The following ACSBG1 variants were observed in gnomAD, a reference collection of about 807,000 sequenced individuals.
The protein encoded by ACSBG1 is acyl-CoA synthetase bubblegum family member 1, also known as long-chain-fatty-acid--CoA ligase ACSBG1.
A neutral mutation model predicts 80.2 loss-of-function variants in ACSBG1; 39 were observed. That is an observed-to-expected ratio of 0.49 (90% CI 0.38 to 0.64). The LOEUF is 0.64. Ranked by LOEUF, ACSBG1 falls within the 30% of genes least tolerant of loss-of-function variation. The pLI is 0.00. For missense variants in ACSBG1, 828 were observed against 966.4 expected (o/e 0.86, Z 1.90); for synonymous variants, 392 against 379.5 (o/e 1.03, Z -0.38).
At chr15:78,175,824 G>A (rs1290409054) in intron 11 of ACSBG1, among the ~76,000 whole-genome samples, 1 of 152,110 alleles carries the variant, frequency 6.6e-6, no homozygotes, top group African/African-American at 2.4e-5. Flanking sequence ...CAGGTGAAGA[G>A]GAGAAGACAG....
At chr15:78,218,776 C>T in intron 1 of ACSBG1, among the ~76,000 whole-genome samples, 1 of 139,460 alleles carries the variant, frequency 7.2e-6, no homozygotes, top group Non-Finnish European at 1.6e-5. Flanking sequence ...GATTGCATCT[C>T]CCTTTTTTTT....
chr15:78,186,345 C>T (rs1324674945), intron 5 of ACSBG1, among the ~76,000 whole-genome samples: 1 of 152,206 alleles, frequency 6.6e-6, no homozygotes, highest in East Asian at 1.9e-4. Flanking sequence ...CTACAGAACT[C>T]TCCACCCCAA....
chr15:78,219,759 C>CGGAT (rs2075345406), intron 1 of ACSBG1, among the ~76,000 whole-genome samples: 1 of 152,076 alleles, frequency 6.6e-6, no homozygotes, highest in Non-Finnish European at 1.5e-5. Flanking sequence ...CTGAGGCAGG[C>CGGAT]GGATCACAAG....
rs545327038 is a variant in ACSBG1 at position 78,208,107 on chromosome 15, G to A, written c.132-5C>T. ...GGCTGCCTGTCAGTCAGTGAGCTGG[G>A]GTGGTGAGGGGACCAGGAAAAACAT... On this transcript the variant is annotated splice_polypyrimidine_tract_variant and splice_region_variant and intron_variant, in intron 1 of 13. Coordinates refer to ENST00000258873, the MANE Select transcript of ACSBG1 (RefSeq NM_015162.5). 3.7e-4 allele frequency: 601 copies of A among 1,611,686 alleles called. 15 individuals carry two copies. In the South Asian group the frequency reaches 6.3e-3, roughly 17 times the overall value.
chr15:78,234,495 G>A lies in ACSBG1; in HGVS notation c.7C>T (p.Arg3Cys), dbSNP rs557069269. 5.8e-5 allele frequency: 94 copies of A among 1,610,932 alleles called. 1 individual carries two copies. Among genetic ancestry groups the A allele is most frequent in the Admixed American group, 8.3e-5 (5 of 60,014 alleles). Residue 3 changes from arginine to cysteine, a missense_variant, in exon 1 of 14, where the codon CGC (arginine) becomes TGC (cysteine). Coordinates refer to ENST00000258873, the MANE Select transcript of ACSBG1 (RefSeq NM_015162.5). ...CAGCCGTATCCAGCTCCAGAATTGC[G>A]TGGCATCTGCCTCGGGCTTCCACTG... The part of the protein sequence containing the change: MP[R>C]NSGAGYGCPH...
At chr15:78,209,822 C>T (rs1450442282) in intron 1 of ACSBG1, among the ~76,000 whole-genome samples, 5 of 152,228 alleles carry the variant, frequency 3.3e-5, no homozygotes, top group Non-Finnish European at 7.3e-5. Flanking sequence ...GCCACCTCCA[C>T]ATTAGCCAGG....
chr15:78,211,144 C>A (rs1003993067), intron 1 of ACSBG1, among the ~76,000 whole-genome samples: 1 of 152,246 alleles, frequency 6.6e-6, no homozygotes, highest in Non-Finnish European at 1.5e-5. Flanking sequence ...TGGGAAGCTG[C>A]CCCTACTCTG....
At chr15:78,225,809 G>A (rs994776402) in intron 1 of ACSBG1, among the ~76,000 whole-genome samples, 14 of 152,140 alleles carry the variant, frequency 9.2e-5, no homozygotes, top group African/African-American at 3.4e-4. Context: ...AATTTCTATG[G>A]GTTAGGAATC....
rs2141347320 is a variant in ACSBG1 at position 78,193,624 on chromosome 15, C to A, written c.545G>T (p.Gly182Val). ...FSAVGTVFAG[G>V]IVTGIYTTSS... ...GGTGGTGTAGATGCCAGTGACGATG[C>A]CACTGTAGGAGACCCAGGAAGATTC... The change falls in exon 5 of 14, where the codon GGC (glycine) becomes GTC (valine). Residue 182 changes from glycine to valine, a missense_variant and splice_region_variant. Physicochemically the swap from Gly to Val is moderately radical, Grantham distance 109. Transcript: ENST00000258873. 2.5e-6 allele frequency: 4 copies of A among 1,611,508 alleles called. No individual in the cohort carries two copies. The East Asian group carries it at 6.7e-5, about 27-fold the overall frequency.
intron 5 of ACSBG1, among the ~76,000 whole-genome samples, chr15:78,193,282 C>T (rs1485641659): frequency 6.6e-6 from 1 of 152,240 alleles, no homozygotes; most frequent in Non-Finnish European, 1.5e-5. Flanking sequence ...CTACCCAAGG[C>T]CTTATCACCA....
intron 1 of ACSBG1, among the ~76,000 whole-genome samples, chr15:78,221,057 G>A (rs1400957358): frequency 2.0e-5 from 3 of 152,178 alleles, no homozygotes; most frequent in Non-Finnish European, 4.4e-5. Context: ...AACCCTGAAG[G>A]GGGCCCTGCC....
chr15:78,218,797 A>T (rs908822141), intron 1 of ACSBG1, among the ~76,000 whole-genome samples: 1 of 39,872 alleles, frequency 2.5e-5, no homozygotes, highest in East Asian at 3.4e-4. Context: ...TTTGAGACGG[A>T]GTATCGCTCT....
intron 1 of ACSBG1, chr15:78,209,020 T>G (rs1433521395): frequency 2.5e-6 from 1 of 397,514 alleles, no homozygotes. Flanking sequence ...TTGTGCAGCA[T>G]GCAACCTGTG....
intron 1 of ACSBG1, among the ~76,000 whole-genome samples, chr15:78,208,422 A>G (rs113886468): frequency 6.6e-6 from 1 of 152,116 alleles, no homozygotes; most frequent in Admixed American, 6.5e-5. Flanking sequence ...TCGGGGTCTC[A>G]GCACCCCACC....
intron 2 of ACSBG1, among the ~76,000 whole-genome samples, chr15:78,203,699 C>T (rs544011588): frequency 1.5e-4 from 23 of 152,376 alleles, no homozygotes; most frequent in African/African-American, 5.3e-4. Flanking sequence ...AGGAAAACAA[C>T]ACAAGAGCAG....
intron 2 of ACSBG1, among the ~76,000 whole-genome samples, chr15:78,198,141 ATTC>A (rs2075131961): frequency 1.3e-5 from 2 of 151,858 alleles, no homozygotes; most frequent in Admixed American, 6.6e-5. Flanking sequence ...GGTTCAAGCA[ATTC>A]TTCTGTCTCA....
At chr15:78,173,405 C>G (rs2074847074) in intron 13 of ACSBG1, among the ~76,000 whole-genome samples, 188 bp downstream of exon 13, 1 of 148,020 alleles carries the variant, frequency 6.8e-6, no homozygotes, top group Non-Finnish European at 1.5e-5. Flanking sequence ...ATTCAACAGA[C>G]TCCACATAAC....
At chr15:78,193,695 CATCTGTAGCCCCCAGACCCAG>C in intron 4 of ACSBG1, 69 bp from the exon 5 acceptor site, 1 of 1,541,866 alleles carries the variant, frequency 6.5e-7, no homozygotes, top group Non-Finnish European at 8.7e-7. Flanking sequence ...CCCACCCCCA[CATCTGTAGCCCCCAGACCCAG>C]AGAGCTCCCA....
At chr15:78,184,778 A>C (rs2060345866) in intron 5 of ACSBG1, among the ~76,000 whole-genome samples, 1 of 152,228 alleles carries the variant, frequency 6.6e-6, no homozygotes, top group Admixed American at 6.5e-5. Flanking sequence ...GGACAAATAG[A>C]ATAGCTGGGT....
Sources: gnomAD v4.1 joint callset for allele counts (sites outside exome capture counted in the v4.1 genomes callset) on GRCh38, gnomAD v4.1.1 for gene constraint, MANE v1.5 for transcripts, NCBI Gene and HGNC (gene_info 2026-07-23, HGNC 2026-07-21) for gene names.